Variants in PHLDB1 observed in about 807,000 individuals in gnomAD.
PHLDB1 encodes the protein pleckstrin homology like domain family B member 1.
In PHLDB1, 65 loss-of-function variants were observed where a neutral mutation model predicts 139.3. That is an observed-to-expected ratio of 0.47 (90% CI 0.38 to 0.57). PHLDB1 has a LOEUF of 0.57. Ranked by LOEUF, PHLDB1 falls within the 20% of genes least tolerant of loss-of-function variation. The pLI, the probability that PHLDB1 is intolerant of heterozygous loss-of-function variation, is 0.00. For missense variants in PHLDB1, 1,624 were observed against 1,839.7 expected (o/e 0.88, Z 2.14); for synonymous variants, 679 against 734.5 (o/e 0.92, Z 1.22).
At chr11:118,643,995 C>G (rs781909434) in intron 14 of PHLDB1, 55 bp downstream of exon 14, 1 of 1,598,524 alleles carries the variant, frequency 6.3e-7, no homozygotes, top group East Asian at 2.2e-5. Context: ...GACTTCCACC[C>G]TGGGGAGAGG....
Position 118,611,742 on chromosome 11 carries a change from C to T in PHLDB1, c.-21-2074C>T, listed in dbSNP as rs1555084039. Among the ~76,000 whole-genome samples, 1 of 151,482 alleles carries T rather than the reference C, an allele frequency of 6.6e-6. No homozygotes were observed. The highest frequency in any genetic ancestry group is 1.9e-4 in the East Asian group (1 of 5,180). ...TGGTGGCAGGAGAATCGCTTGAACC[C>T]GGGAGGTGGAGGTTGCGGTAAGCCG... On this transcript the variant is annotated intron_variant, in intron 1 of 22. Transcript: ENST00000600882. This position sits in a 1 kb window ranked among gnomAD's most constrained non-coding sequence, Gnocchi z 4.7.
chr11:118,616,017 A>T, intron 3 of PHLDB1, 24 bp from the exon 4 acceptor site: 1 of 1,601,944 alleles, frequency 6.2e-7, no homozygotes, highest in Non-Finnish European at 8.5e-7. Context: ...AACCCCTCTG[A>T]TTCAGTTTGC....
At chr11:118,633,127 C>A (rs554234945) in intron 9 of PHLDB1, 2 of 152,370 alleles carry the variant, frequency 1.3e-5, no homozygotes, top group African/African-American at 4.8e-5. Flanking sequence ...TTTCCGCATG[C>A]CCCTAACTGC....
chr11:118,634,814 T>A (rs993942203), intron 9 of PHLDB1: 5 of 282,560 alleles, frequency 1.8e-5, no homozygotes, highest in Non-Finnish European at 3.7e-5. Context: ...TGTCCCGCCC[T>A]GGCCGCCCTC....
chr11:118,638,126 C>T (rs1451917786), intron 10 of PHLDB1: 2 of 152,156 alleles, frequency 1.3e-5, no homozygotes, highest in Non-Finnish European at 2.9e-5. Flanking sequence ...GAACAGCTCT[C>T]CTGGCCTAAG....
At chr11:118,613,688 C>G in intron 1 of PHLDB1, 128 bp from the exon 2 acceptor site, 1 of 631,088 alleles carries the variant, frequency 1.6e-6, no homozygotes, top group East Asian at 3.0e-5. Flanking sequence ...TATTTCCCTT[C>G]AGCATGAGCA....
At chr11:118,617,763 C>CCAG (rs1941949610) in intron 4 of PHLDB1, among the ~76,000 whole-genome samples, 1 of 152,074 alleles carries the variant, frequency 6.6e-6, no homozygotes, top group Non-Finnish European at 1.5e-5. Context: ...TTCAAGGTCT[C>CCAG]TGACTTTGGA....
chr11:118,656,846 G>A lies in PHLDB1; in HGVS notation c.*23G>A. The A allele has an allele frequency of 6.3e-7, 1 of 1,595,668 alleles. No homozygotes were observed. Among genetic ancestry groups the A allele is most frequent in the Non-Finnish European group, 8.6e-7 (1 of 1,165,606 alleles). On this transcript the variant is annotated 3_prime_UTR_variant, in exon 23 of 23. Coordinates refer to ENST00000600882, the MANE Select transcript of PHLDB1 (RefSeq NM_001144758.3). ...TAACTGCCGTGGGCCTCCTGGCAGAGCACAACTGGGGCTTTTGTATAAGAA... is the reference window on the plus strand; with the variant it reads ...TAACTGCCGTGGGCCTCCTGGCAGAACACAACTGGGGCTTTTGTATAAGAA...
chr11:118,655,589 C>T lies in PHLDB1; in HGVS notation c.3875-16C>T, dbSNP rs782718877. 1.3e-6 allele frequency: 2 copies of T among 1,576,138 alleles called. No homozygotes were observed. Among genetic ancestry groups the T allele is most frequent in the Non-Finnish European group, 1.7e-6 (2 of 1,145,650 alleles). On this transcript the variant is annotated splice_polypyrimidine_tract_variant and intron_variant, in intron 20 of 22. Coordinates refer to ENST00000600882, the MANE Select transcript of PHLDB1 (RefSeq NM_001144758.3). ...AGTGTGACCGGCTCCATAGCCCACC[C>T]TTACTTGCTTTGCAGACAAGCATGA...
chr11:118,641,367 G>A (rs1029963459), intron 12 of PHLDB1: 2 of 182,484 alleles, frequency 1.1e-5, no homozygotes, highest in Non-Finnish European at 2.3e-5. Flanking sequence ...CTGCATAAGG[G>A]GAGGTTGGGA....
intron 4 of PHLDB1, 50 bp downstream of exon 4, chr11:118,616,261 G>A (rs781877905): frequency 2.6e-6 from 4 of 1,553,392 alleles, no homozygotes; most frequent in Middle Eastern, 1.8e-4. Context: ...AAAGGCTTGT[G>A]TGTATTAGGC....
chr11:118,639,458 C>G (rs1188731971), intron 12 of PHLDB1: 1 of 593,794 alleles, frequency 1.7e-6, no homozygotes, highest in Non-Finnish European at 3.0e-6. Flanking sequence ...CTGGGGTTCC[C>G]AGGAGCCTAC....
In PHLDB1 at chr11:118,616,090, A is replaced by G. The variant is rs1941582794; in HGVS notation, c.234A>G (p.Pro78=). The G allele has an allele frequency of 1.9e-6, 3 of 1,613,932 alleles. No individual in the cohort carries two copies. Among genetic ancestry groups the G allele is most frequent in the African/African-American group, 1.3e-5 (1 of 74,916 alleles). ...CCAGAGACATCTCACTACAGGGCCC[A>G]GGCCTGGCTCCAGAGCACTGCTACA... is the stretch of plus-strand genomic sequence containing the variant. ...SAARDISLQG[P]GLAPEHCYIE... is the part of the protein sequence containing the mutation. The change falls in exon 4 of 23, where the codon CCA becomes CCG. Residue 78 remains proline (P), a synonymous_variant. Coordinates refer to ENST00000600882, the MANE Select transcript of PHLDB1 (RefSeq NM_001144758.3).
chr11:118,655,362 T>G, intron 20 of PHLDB1: 2 of 383,762 alleles, frequency 5.2e-6, no homozygotes, highest in Non-Finnish European at 9.5e-6. Flanking sequence ...GTTTTTGTCA[T>G]TGGGGTAGGT....
Position 118,608,052 on chromosome 11 carries a change from G to C in PHLDB1, c.-22+353G>C, listed in dbSNP as rs1219579892. The stretch of plus-strand genomic sequence containing the variant: ...CCGGGCGGACACTCGCGGGGTATCG[G>C]GCGGCGAGCGCGCGCGCGGGTTTTC... On this transcript the variant is annotated intron_variant, in intron 1 of 22. Transcript: ENST00000600882. This position sits in a 1 kb window ranked among gnomAD's most constrained non-coding sequence, Gnocchi z 6.7. Among the ~76,000 whole-genome samples the C allele has an allele frequency of 6.6e-6, 1 of 152,068 alleles. No individual in the cohort carries two copies. Among genetic ancestry groups the C allele is most frequent in the Non-Finnish European group, 1.5e-5 (1 of 67,972 alleles).
At chr11:118,626,813 C>G (rs1307228390) in intron 5 of PHLDB1, 3 of 164,816 alleles carry the variant, frequency 1.8e-5, no homozygotes, top group African/African-American at 7.3e-5. Flanking sequence ...GCCACCATAC[C>G]CAGCTAATTT....
At chr11:118,653,205 G>A (rs1471085604) in intron 20 of PHLDB1, 2 of 152,480 alleles carry the variant, frequency 1.3e-5, no homozygotes, top group East Asian at 3.8e-4. Context: ...CCAGAGCCAG[G>A]CAGGGCTGGT....
At chr11:118,635,366 C>G (rs1180749045) in intron 9 of PHLDB1, 27 bp from the exon 10 acceptor site, 1 of 1,553,422 alleles carries the variant, frequency 6.4e-7, no homozygotes, top group East Asian at 2.3e-5. Flanking sequence ...AAGCACCACC[C>G]AACCCCCTTT....
intron 4 of PHLDB1, among the ~76,000 whole-genome samples, chr11:118,618,912 AGG>A (rs1481452404): frequency 1.3e-5 from 2 of 151,938 alleles, no homozygotes; most frequent in Admixed American, 6.5e-5. Context: ...TGCCTGGGCC[AGG>A]GGAAAGGGGA....
Sources: gnomAD v4.1 joint callset for allele counts (sites outside exome capture counted in the v4.1 genomes callset) on GRCh38, gnomAD v4.1.1 for gene constraint, Gnocchi (gnomAD v3.1) non-coding constraint, MANE v1.5 for transcripts, NCBI Gene and HGNC (gene_info 2026-07-23, HGNC 2026-07-21) for gene names.